ATP2A2: variants seen among roughly 807,000 people sequenced by gnomAD.
ATP2A2 encodes the protein sarcoplasmic/endoplasmic reticulum calcium ATPase 2.
A neutral mutation model predicts 109.3 loss-of-function variants in ATP2A2; 14 were observed. That is an observed-to-expected ratio of 0.13 (90% CI 0.08 to 0.20). The LOEUF is 0.20. Among genes scored for constraint, ATP2A2 ranks in the 10% least tolerant of loss-of-function variants. The pLI, the probability that ATP2A2 is intolerant of heterozygous loss-of-function variation, is 1.00. For synonymous variants in ATP2A2, 506 were observed against 490.9 expected, an observed-to-expected ratio of 1.03 and a Z score of -0.41; for missense variants, 657 against 1,321.6, an observed-to-expected ratio of 0.50 and a Z score of 7.80.
intron 8 of ATP2A2, among the ~76,000 whole-genome samples, chr12:110,328,275 TAA>T (rs377397723): frequency 7.9e-5 from 11 of 139,210 alleles, no homozygotes; most frequent in Non-Finnish European, 9.4e-5. Context: ...TTCCTTTAAT[TAA>T]AAAAAAAAAA....
At chr12:110,346,152 C>CT (rs2137874843) in intron 19 of ATP2A2, 34 bp downstream of exon 19, 1 of 1,614,192 alleles carries the variant, frequency 6.2e-7, no homozygotes, top group East Asian at 2.2e-5. Flanking sequence ...GACCAGCCAC[C>CT]TCCTTCCAGG....
chr12:110,319,445 G>A (rs964657090), intron 5 of ATP2A2, among the ~76,000 whole-genome samples: 1 of 151,358 alleles, frequency 6.6e-6, no homozygotes, highest in Non-Finnish European at 1.5e-5. Context: ...TGTTCCTCTA[G>A]CATTTGACAT....
At chr12:110,303,551 T>C (rs10774600) in intron 5 of ATP2A2, among the ~76,000 whole-genome samples, 136,479 of 152,110 alleles carry the variant, frequency 0.9, 61,566 homozygotes, top group East Asian at 1. Context: ...GCTGAGATTA[T>C]AGGCACGTAC....
chr12:110,295,343 G>A (rs564838006), intron 4 of ATP2A2, among the ~76,000 whole-genome samples: 12 of 151,994 alleles, frequency 7.9e-5, no homozygotes, highest in Admixed American at 3.3e-4. Flanking sequence ...TGCATTTTTC[G>A]TAGAGACACT....
chr12:110,316,866 G>A (rs947425308), intron 5 of ATP2A2, among the ~76,000 whole-genome samples: 1 of 152,182 alleles, frequency 6.6e-6, no homozygotes, highest in Non-Finnish European at 1.5e-5. Context: ...GAGGGTGACA[G>A]GCAAACAGCA....
At position 110,346,967 on chromosome 12, in the gene ATP2A2, A is replaced by C; in HGVS notation, c.*497A>C. 9.1e-7 allele frequency: 1 copy of C among 1,097,780 alleles called. No individual in the cohort carries two copies. The highest frequency in any genetic ancestry group is 2.5e-5 in the South Asian group (1 of 40,556). 68.0% of individuals were successfully genotyped at this position (1,097,780 alleles called of 1,614,324 possible). A position where few individuals can be genotyped will look rare whatever the true frequency, so the allele number is the denominator to read the frequency against. On this transcript the variant is annotated 3_prime_UTR_variant, in exon 20 of 20. Transcript: ENST00000539276. ...GCACTGAGCAGAGTCTTGCTACCTCAGTCAGTATTGTTTTGGTTTGCTACT... is the reference window on the plus strand; with the variant it reads ...GCACTGAGCAGAGTCTTGCTACCTCCGTCAGTATTGTTTTGGTTTGCTACT...
chr12:110,311,360 C>T (rs1034685325), intron 5 of ATP2A2, among the ~76,000 whole-genome samples: 3 of 150,752 alleles, frequency 2.0e-5, no homozygotes, highest in Non-Finnish European at 3.0e-5. Flanking sequence ...GAGGCGGAGG[C>T]GGGTGGATCA....
chr12:110,293,146 C>G (rs566777366), intron 4 of ATP2A2, among the ~76,000 whole-genome samples: 136 of 151,830 alleles, frequency 9.0e-4, no homozygotes, highest in African/African-American at 2.5e-3. Context: ...GGCACGATCT[C>G]GGCTCACTGC....
At chr12:110,287,775 C>T (rs1424356058) in intron 3 of ATP2A2, among the ~76,000 whole-genome samples, 3 of 151,802 alleles carry the variant, frequency 2.0e-5, no homozygotes, top group Non-Finnish European at 2.9e-5. Flanking sequence ...CCACCACGCC[C>T]GGGTAATTTT....
At chr12:110,323,673 G>A (rs542030450) in intron 6 of ATP2A2, among the ~76,000 whole-genome samples, 3 of 152,270 alleles carry the variant, frequency 2.0e-5, no homozygotes, top group African/African-American at 7.2e-5. Flanking sequence ...AGCCAGGCCT[G>A]TAATCCCAGC....
rs10665212 is a variant in ATP2A2, at chr12:110,309,140, A to ATTTTTTTTTTTTTTTTT, written c.463+12422_463+12438dup. 5.7e-4 allele frequency among the ~76,000 whole-genome samples: 28 copies of ATTTTTTTTTTTTTTTTT among 48,902 alleles called. 2 individuals carry two copies. The highest frequency in any genetic ancestry group is 9.1e-4 in the Non-Finnish European group (26 of 28,424). The allele number at this position is 48,902 out of a possible 152,430, so 32.1% of individuals were successfully genotyped here. A position where few individuals can be genotyped will look rare whatever the true frequency, so the allele number is the denominator to read the frequency against. Reference sequence around the variant, plus strand: ...ATGGAGAGAGAGTTTAAGGAAACTAATTTTTTTTTTTTTTTTTTTTTTTTT... The same window carrying ATTTTTTTTTTTTTTTTT: ...ATGGAGAGAGAGTTTAAGGAAACTAATTTTTTTTTTTTTTTTTTTTTTTTTTTTTTTTTTTTTTTTTT... On this transcript the variant is annotated intron_variant, in intron 5 of 19. Transcript: ENST00000539276.
chr12:110,333,128 G>T (rs1260316221), intron 9 of ATP2A2, 53 bp from the exon 10 acceptor site: 37 of 1,448,982 alleles, frequency 2.6e-5, no homozygotes, highest in Non-Finnish European at 3.3e-5. Flanking sequence ...GGGGCGGGAG[G>T]AATCAATAGT....
At chr12:110,290,394 T>C (rs1873137532) in intron 3 of ATP2A2, among the ~76,000 whole-genome samples, 1 of 152,246 alleles carries the variant, frequency 6.6e-6, no homozygotes, top group Admixed American at 6.5e-5. Flanking sequence ...TTGTTTATAC[T>C]GTGGATTTAT....
Position 110,347,350 on chromosome 12 carries a change from T to A in ATP2A2, c.*880T>A, listed in dbSNP as rs910018550. ...AACTGTCTTGTCTTTAACTCGTAAG[T>A]GGCTTACCTGGGACTAACAGACATG... On this transcript the variant is annotated 3_prime_UTR_variant, in exon 20 of 20. Transcript: ENST00000539276. 1 of 1,288,384 alleles carries A rather than the reference T, an allele frequency of 7.8e-7. No homozygotes were observed. The highest frequency in any genetic ancestry group is 1.0e-6 in the Non-Finnish European group (1 of 988,142). 79.8% of individuals were successfully genotyped at this position (1,288,384 alleles called of 1,614,324 possible).
At chr12:110,343,191 C>A (rs1879519417) in intron 15 of ATP2A2, 41 bp from the exon 16 acceptor site, 3 of 1,599,456 alleles carry the variant, frequency 1.9e-6, no homozygotes, top group Non-Finnish European at 2.6e-6. Context: ...GGCCAGAAGT[C>A]ATTTGGGCTC....
rs1434738774 is a variant in ATP2A2 at position 110,350,448 on chromosome 12, T to C, written c.*3978T>C. ...AAACTTCCCAACTCACTTTGTGTTA[T>C]GTGGAGGAAATGTGTATTACCAATG... On this transcript the variant is annotated 3_prime_UTR_variant, in exon 20 of 20. Transcript: ENST00000539276. The C allele has an allele frequency of 5.2e-6, 7 of 1,352,676 alleles. No homozygotes were observed. The East Asian group carries it at 1.6e-4, about 32-fold the overall frequency. 83.8% of individuals were successfully genotyped at this position (1,352,676 alleles called of 1,614,324 possible). A position where few individuals can be genotyped will look rare whatever the true frequency, so the allele number is the denominator to read the frequency against.
intron 5 of ATP2A2, among the ~76,000 whole-genome samples, chr12:110,310,830 G>A (rs1220991630): frequency 6.6e-6 from 1 of 152,204 alleles, no homozygotes; most frequent in Non-Finnish European, 1.5e-5. Context: ...TTTAAAGGAA[G>A]GAAACTTTTA....
intron 2 of ATP2A2, 32 bp from the exon 3 acceptor site, chr12:110,282,681 A>G (rs1435158741): frequency 6.8e-6 from 11 of 1,613,712 alleles, no homozygotes; most frequent in Non-Finnish European, 9.3e-6. Context: ...TGGTAAGATG[A>G]CAGTTAAAAC....
intron 1 of ATP2A2, 40 bp from the exon 2 acceptor site, chr12:110,282,564 C>T: frequency 1.2e-6 from 2 of 1,611,684 alleles, no homozygotes; most frequent in Non-Finnish European, 1.7e-6. Context: ...TTTTAACCTC[C>T]CTCTTGACAC....
Sources: gnomAD v4.1 joint callset for allele counts (sites outside exome capture counted in the v4.1 genomes callset) on GRCh38, gnomAD v4.1.1 for gene constraint, MANE v1.5 for transcripts, NCBI Gene and HGNC (gene_info 2026-07-23, HGNC 2026-07-21) for gene names.